EXOC4: variants seen among roughly 807,000 people sequenced by gnomAD.
The protein encoded by EXOC4 is exocyst complex component 4.
EXOC4 carries 71 observed loss-of-function variants against 107.2 expected under a neutral mutation model. The observed-to-expected ratio is 0.66, with a 90% CI of 0.55 to 0.81. The LOEUF (loss-of-function observed/expected upper bound fraction) is 0.81. Ranked by LOEUF, EXOC4 falls within the 30% of genes least tolerant of loss-of-function variation. The pLI is 0.00. For synonymous variants in EXOC4, 456 were observed against 441.2 expected (o/e 1.03, Z -0.42); for missense variants, 1,108 against 1,189.6 (o/e 0.93, Z 1.01).
chr7:133,956,752 A>G (rs2971963), intron 14 of EXOC4, among the ~76,000 whole-genome samples: 78,884 of 152,000 alleles, frequency 0.52, 21,542 homozygotes, highest in Admixed American at 0.64. Flanking sequence ...CCTATCAGTC[A>G]GTGTAAGCTA....
intron 7 of EXOC4, among the ~76,000 whole-genome samples, chr7:133,470,233 T>A (rs1584942359): frequency 6.6e-6 from 1 of 152,134 alleles, no homozygotes; most frequent in East Asian, 1.9e-4. Context: ...TCATATTTAT[T>A]TAAAAAAAAC....
intron 10 of EXOC4, among the ~76,000 whole-genome samples, chr7:133,745,113 T>C (rs1228669591): frequency 1.3e-5 from 2 of 152,168 alleles, no homozygotes; most frequent in African/African-American, 4.8e-5. Context: ...CCAGGAAAGG[T>C]TCTTTCTACT....
rs891332873 is a variant in EXOC4 at position 133,968,634 on chromosome 7, A to AT, written c.2207-28848dup. On this transcript the variant is annotated intron_variant, in intron 14 of 17. Transcript: ENST00000253861. ...GGCTGGATATGAAATTCTGGGTTGA[A>AT]TTTTTTTTTTCTTTAAGAATGTTGA... Among the ~76,000 whole-genome samples, 42 of 150,136 alleles carry AT rather than the reference A, an allele frequency of 2.8e-4. 1 individual carries two copies. Among genetic ancestry groups the AT allele is most frequent in the East Asian group, 2.0e-3 (10 of 5,120 alleles).
Position 133,886,434 on chromosome 7 carries a change from C to T in EXOC4, c.1735-9165C>T, listed in dbSNP as rs184607646. Among the ~76,000 whole-genome samples, 255 of 152,288 alleles carry T rather than the reference C, an allele frequency of 1.7e-3. 1 individual carries two copies. The highest frequency in any genetic ancestry group is 5.9e-3 in the African/African-American group (246 of 41,554). ...AAATTTTTTTAAGTGCAGAACCAAA[C>T]AACTGGTTCACTTTATACTTTAGAT... is the stretch of plus-strand genomic sequence containing the variant. On this transcript the variant is annotated intron_variant, in intron 11 of 17. Transcript: ENST00000253861.
intron 7 of EXOC4, among the ~76,000 whole-genome samples, chr7:133,425,297 C>T (rs1454049434): frequency 1.3e-5 from 2 of 151,912 alleles, no homozygotes; most frequent in Non-Finnish European, 2.9e-5. Flanking sequence ...TTTTTTTGTT[C>T]GTTTGTTTGA....
chr7:133,375,758 G>T (rs1339498223), intron 7 of EXOC4, among the ~76,000 whole-genome samples: 1 of 152,098 alleles, frequency 6.6e-6, no homozygotes, highest in Non-Finnish European at 1.5e-5. Context: ...GATCTGTGAG[G>T]TATAAATGTA....
intron 6 of EXOC4, among the ~76,000 whole-genome samples, chr7:133,365,025 T>G (rs1796221146): frequency 6.6e-6 from 1 of 152,180 alleles, no homozygotes; most frequent in Non-Finnish European, 1.5e-5. Flanking sequence ...ATATCCATTT[T>G]CCTGCCCATA....
chr7:133,498,752 G>A (rs1401151451), intron 9 of EXOC4, among the ~76,000 whole-genome samples: 3 of 152,108 alleles, frequency 2.0e-5, no homozygotes, highest in Non-Finnish European at 4.4e-5. Context: ...GTATGTACTA[G>A]TACTAAACCC....
chr7:133,706,332 G>A (rs1794768222), intron 10 of EXOC4, among the ~76,000 whole-genome samples: 1 of 152,072 alleles, frequency 6.6e-6, no homozygotes, highest in Non-Finnish European at 1.5e-5. Flanking sequence ...TACAAAATAG[G>A]CTTATCAATT....
intron 7 of EXOC4, among the ~76,000 whole-genome samples, chr7:133,463,289 C>T (rs745990085): frequency 2.6e-5 from 4 of 152,130 alleles, no homozygotes; most frequent in Non-Finnish European, 5.9e-5. Context: ...GGAGCTCCCC[C>T]GCTTTGGTGC....
chr7:133,924,593 G>A (rs921599208), intron 13 of EXOC4, among the ~76,000 whole-genome samples: 3 of 152,118 alleles, frequency 2.0e-5, no homozygotes, highest in African/African-American at 7.2e-5. Context: ...CAAATTAAAT[G>A]TATATTTCTT....
chr7:134,060,266 C>T (rs1796025620), intron 17 of EXOC4, among the ~76,000 whole-genome samples: 1 of 152,196 alleles, frequency 6.6e-6, no homozygotes, highest in African/African-American at 2.4e-5. Context: ...GAAGCCACAG[C>T]AAGGTGCACA....
At chr7:133,640,983 C>G (rs559160841) in intron 10 of EXOC4, among the ~76,000 whole-genome samples, 9 of 152,132 alleles carry the variant, frequency 5.9e-5, no homozygotes, top group African/African-American at 2.2e-4. Flanking sequence ...AAGCGATCCT[C>G]CCACCTTAGC....
chr7:133,987,171 T>C (rs1794134001), intron 14 of EXOC4, among the ~76,000 whole-genome samples: 1 of 152,056 alleles, frequency 6.6e-6, no homozygotes, highest in Admixed American at 6.6e-5. Context: ...AAAAATTAAA[T>C]ATTTTGGGGC....
intron 6 of EXOC4, among the ~76,000 whole-genome samples, chr7:133,365,252 A>G (rs945431444): frequency 6.6e-6 from 1 of 152,232 alleles, no homozygotes; most frequent in Non-Finnish European, 1.5e-5. Context: ...AAGAATATGC[A>G]CCTAAAATCT....
At chr7:133,938,976 C>G (rs146045200) in intron 14 of EXOC4, among the ~76,000 whole-genome samples, 60 of 152,248 alleles carry the variant, frequency 3.9e-4, no homozygotes, top group African/African-American at 1.4e-3. Flanking sequence ...TCTCAAACTC[C>G]TGGGCTCAAG....
chr7:133,816,599 A>G (rs1434357217), intron 10 of EXOC4, among the ~76,000 whole-genome samples: 1 of 152,148 alleles, frequency 6.6e-6, no homozygotes, highest in Non-Finnish European at 1.5e-5. Context: ...ATATATATAC[A>G]TGTAAAGCAG....
At chr7:133,399,370 A>G (rs1797039726) in intron 7 of EXOC4, among the ~76,000 whole-genome samples, 1 of 152,210 alleles carries the variant, frequency 6.6e-6, no homozygotes, top group Non-Finnish European at 1.5e-5. Context: ...AATTTCATGA[A>G]CTAAACCTAC....
chr7:133,323,842 G>A (rs911751094), intron 5 of EXOC4, among the ~76,000 whole-genome samples: 137 of 152,212 alleles, frequency 9.0e-4, no homozygotes, highest in African/African-American at 3.2e-3. Context: ...TCTGATCCTG[G>A]ACTTTTTTTT....
Sources: gnomAD v4.1 joint callset for allele counts (sites outside exome capture counted in the v4.1 genomes callset) on GRCh38, gnomAD v4.1.1 for gene constraint, MANE v1.5 for transcripts, NCBI Gene and HGNC (gene_info 2026-07-23, HGNC 2026-07-21) for gene names.